Variants in DNAH11 observed in about 807,000 individuals in gnomAD.
DNAH11 encodes the protein dynein axonemal heavy chain 11.
A neutral mutation model predicts 526.0 loss-of-function variants in DNAH11; 442 were observed. The ratio of observed to expected loss-of-function variants is 0.84; its 90% CI spans 0.78 to 0.91. The LOEUF (loss-of-function observed/expected upper bound fraction) is 0.91, where lower values mean the gene tolerates loss of function less well. DNAH11 is among the 40% of genes least tolerant of loss of function. The pLI is 0.00. For missense variants in DNAH11, 6,989 were observed against 5,448.7 expected, an observed-to-expected ratio of 1.28 and a Z score of -8.90; for synonymous variants, 2,461 against 1,935.9, an observed-to-expected ratio of 1.27 and a Z score of -7.12.
intron 58 of DNAH11, among the ~76,000 whole-genome samples, chr7:21,785,770 T>G (rs541834705): frequency 1.6e-4 from 25 of 152,348 alleles, no homozygotes; most frequent in African/African-American, 5.5e-4. Context: ...GACTTTGTTT[T>G]TGTTCTTGCT....
At chr7:21,567,865 G>C (rs1250063687) in intron 6 of DNAH11, among the ~76,000 whole-genome samples, 1 of 152,252 alleles carries the variant, frequency 6.6e-6, no homozygotes, top group African/African-American at 2.4e-5. Context: ...GGCTTTGGTA[G>C]TGGGGTCTTA....
At position 21,711,720 on chromosome 7, in the gene DNAH11, C is replaced by T; in HGVS notation, c.6843C>T (p.Thr2281=). Residue 2281 remains threonine, a synonymous_variant, in exon 42 of 82, where the codon ACC becomes ACT. Coordinates refer to ENST00000409508, the MANE Select transcript of DNAH11 (RefSeq NM_001277115.2). ...NTVMDDNKVL[T]LASNERIALT... ...TGTGCTGCTCACTCCAGGTGCTGAC[C>T]CTCGCCAGCAATGAGCGCATTGCAC... 6.2e-7 allele frequency: 1 copy of T among 1,613,462 alleles called. No individual in the cohort carries two copies. The highest frequency in any genetic ancestry group is 1.1e-5 in the South Asian group (1 of 91,028).
intron 29 of DNAH11, 81 bp from the exon 30 acceptor site, chr7:21,658,717 G>T (rs73271695): frequency 2.1e-4 from 250 of 1,209,760 alleles, no homozygotes; most frequent in Non-Finnish European, 2.6e-4. Context: ...TACCCTCTGC[G>T]TGGCCTTAGA....
In DNAH11 at chr7:21,799,601, G is replaced by T. The variant is rs567155327; in HGVS notation, c.10027-1536G>T. 2.5e-4 allele frequency among the ~76,000 whole-genome samples: 38 copies of T among 152,284 alleles called. No individual in the cohort carries two copies. The South Asian group carries it at 4.1e-3, about 17-fold the overall frequency. On this transcript the variant is annotated intron_variant, in intron 61 of 81. Coordinates refer to ENST00000409508, the MANE Select transcript of DNAH11 (RefSeq NM_001277115.2). Reference sequence around the variant, plus strand: ...TCTGCCTGCCTCAGCCTCCCAAAGTGCTGGGATTACAGGCATGACCCACCG... The same window carrying T: ...TCTGCCTGCCTCAGCCTCCCAAAGTTCTGGGATTACAGGCATGACCCACCG...
Position 21,880,079 on chromosome 7 carries a change from C to T in DNAH11, c.12196-623C>T, listed in dbSNP as rs560381415. Among the ~76,000 whole-genome samples the T allele has an allele frequency of 4.8e-4, 62 of 129,106 alleles. No homozygotes were observed. In the East Asian group the frequency reaches 0.014, roughly 29 times the overall value. 84.7% of individuals were successfully genotyped at this position (129,106 alleles called of 152,430 possible). On this transcript the variant is annotated intron_variant, in intron 74 of 81. Coordinates refer to ENST00000409508, the MANE Select transcript of DNAH11 (RefSeq NM_001277115.2). ...CAGCCTGGGTGACAGAGCAAGACTC[C>T]GTCTCAAAAAAAAAAAAAAAAAGAA...
chr7:21,708,850 G>A (rs1323441545), intron 40 of DNAH11, among the ~76,000 whole-genome samples: 1 of 152,112 alleles, frequency 6.6e-6, no homozygotes, highest in Non-Finnish European at 1.5e-5. Flanking sequence ...TTCCCTGATG[G>A]CAGATCTAAA....
chr7:21,758,405 A>G (rs755793328), intron 54 of DNAH11, among the ~76,000 whole-genome samples: 1 of 152,184 alleles, frequency 6.6e-6, no homozygotes, highest in Non-Finnish European at 1.5e-5. Flanking sequence ...GTTTTTTTCA[A>G]ACTGCTGTAT....
rs376733264 is a variant in DNAH11 at position 21,711,705 on chromosome 7, A to G, written c.6835-7A>G. ...GCCCATGGGTGACAGTGTGCTGCTC[A>G]CTCCAGGTGCTGACCCTCGCCAGCA... On this transcript the variant is annotated splice_region_variant and splice_polypyrimidine_tract_variant and intron_variant, in intron 41 of 81. Transcript: ENST00000409508. 3.1e-6 allele frequency: 5 copies of G among 1,611,826 alleles called. No individual in the cohort carries two copies. The South Asian group carries it at 3.3e-5, about 11-fold the overall frequency.
chr7:21,895,729 T>G (rs1405519167), intron 79 of DNAH11, among the ~76,000 whole-genome samples: 2 of 152,160 alleles, frequency 1.3e-5, no homozygotes, highest in Non-Finnish European at 2.9e-5. Flanking sequence ...ATGCACACTT[T>G]TGACTTTTCT....
chr7:21,559,192 A>G (rs1425132086), intron 3 of DNAH11, among the ~76,000 whole-genome samples, 194 bp downstream of exon 3: 1 of 152,212 alleles, frequency 6.6e-6, no homozygotes, highest in East Asian at 1.9e-4. Context: ...GAGCATACCC[A>G]TTTAATATCA....
In DNAH11 at chr7:21,738,314, G is replaced by A. The variant is rs564494444; in HGVS notation, c.7646-387G>A. Among the ~76,000 whole-genome samples the A allele has an allele frequency of 7.2e-5, 11 of 152,282 alleles. No homozygotes were observed. In the South Asian group the frequency reaches 1.7e-3, roughly 23 times the overall value. On this transcript the variant is annotated intron_variant, in intron 46 of 81. Coordinates refer to ENST00000409508, the MANE Select transcript of DNAH11 (RefSeq NM_001277115.2). ...TCCTGAGCTGTTCTCAGACTCTTCC[G>A]CAGAGATGACAGAGAAGAGAACTGA...
At position 21,901,148 on chromosome 7, in the gene DNAH11, G is replaced by A. The variant is rs191791959; in HGVS notation, c.13445G>A (p.Arg4482Lys). ...CAGACCTACGAGTGCCCTGTGTATA[G>A]AACCAAACTGAGAGGCCCCAGCTAC... ...TKQTYECPVYRTKLRGPSYIW... is the reference protein window; with the variant it reads ...TKQTYECPVYKTKLRGPSYIW... Residue 4482 changes from arginine (R) to lysine (K), a missense_variant, in exon 82 of 82, where the codon AGA becomes AAA. Physicochemically the swap from Arg to Lys is conservative, Grantham distance 26. Transcript: ENST00000409508. 42 of 1,613,130 alleles carry A rather than the reference G, an allele frequency of 2.6e-5. No individual in the cohort carries two copies. Among genetic ancestry groups the A allele is most frequent in the Non-Finnish European group, 3.5e-5 (41 of 1,179,252 alleles).
At chr7:21,659,157 T>C in intron 30 of DNAH11, 126 bp downstream of exon 30, 1 of 837,910 alleles carries the variant, frequency 1.2e-6, no homozygotes, top group Non-Finnish European at 1.8e-6. Flanking sequence ...TGGGAAGATT[T>C]TAGCAATCAG....
At position 21,561,052 on chromosome 7, in the gene DNAH11, T is replaced by C. The variant is rs1372569012; in HGVS notation, c.883-19T>C. On this transcript the variant is annotated intron_variant, in intron 4 of 81. Transcript: ENST00000409508. Reference sequence around the variant, plus strand: ...GAGTTTATATTTATTAAAGTTCTTCTTTTTTTCCTTTAACTTAGCTTCAGG... The same window carrying C: ...GAGTTTATATTTATTAAAGTTCTTCCTTTTTTCCTTTAACTTAGCTTCAGG... The C allele has an allele frequency of 2.6e-6, 4 of 1,527,874 alleles. No individual in the cohort carries two copies. In the East Asian group the frequency reaches 9.5e-5, roughly 36 times the overall value. The allele number at this position is 1,527,874 out of a possible 1,614,324, so 94.6% of individuals were successfully genotyped here.
chr7:21,861,634 A>C (rs1463044694), intron 68 of DNAH11, among the ~76,000 whole-genome samples: 1 of 152,248 alleles, frequency 6.6e-6, no homozygotes, highest in African/African-American at 2.4e-5. Flanking sequence ...GCTTGGAAGG[A>C]GATTGAATGG....
chr7:21,843,501 G>A (rs1041000134), intron 66 of DNAH11, among the ~76,000 whole-genome samples: 292 of 137,132 alleles, frequency 2.1e-3, no homozygotes, highest in African/African-American at 8.1e-3. Flanking sequence ...TTTTTTTTGA[G>A]ACAGAGTCTT....
intron 46 of DNAH11, among the ~76,000 whole-genome samples, 172 bp from the exon 47 acceptor site, chr7:21,738,529 A>G (rs2128489937): frequency 6.6e-6 from 1 of 152,314 alleles, no homozygotes; most frequent in African/African-American, 2.4e-5. Context: ...GGAGAGCACG[A>G]CACAAAAGGA....
chr7:21,900,512 C>CT (rs1442400915), intron 81 of DNAH11, among the ~76,000 whole-genome samples: 1 of 112,520 alleles, frequency 8.9e-6, no homozygotes, highest in Non-Finnish European at 2.2e-5. Context: ...CTGGAAGATG[C>CT]TACTGCGTAG....
intron 30 of DNAH11, among the ~76,000 whole-genome samples, chr7:21,661,199 T>G (rs1311450051): frequency 6.6e-6 from 1 of 152,148 alleles, no homozygotes; most frequent in Non-Finnish European, 1.5e-5. Context: ...CCATTAATTA[T>G]GGTGGGAGTG....
Sources: allele counts gnomAD v4.1 joint callset (sites outside exome capture counted in the v4.1 genomes callset), GRCh38; gene constraint gnomAD v4.1.1; transcripts MANE v1.5; gene names NCBI Gene and HGNC (gene_info 2026-07-23, HGNC 2026-07-21).